Variants in CCDC171 observed in about 807,000 individuals in gnomAD.
CCDC171 encodes coiled-coil domain-containing protein 171.
In CCDC171, 177 loss-of-function variants were observed where a neutral mutation model predicts 168.2. The observed-to-expected ratio is 1.05, with a 90% CI of 0.93 to 1.19. The LOEUF (loss-of-function observed/expected upper bound fraction) is 1.19, where lower values mean the gene tolerates loss of function less well. Among genes scored for constraint, CCDC171 ranks in the 50% most tolerant of loss-of-function variants. The pLI, the probability that CCDC171 is intolerant of heterozygous loss-of-function variation, is 0.00. For missense variants in CCDC171, 1,991 were observed against 1,539.0 expected, an observed-to-expected ratio of 1.29 and a Z score of -4.91; for synonymous variants, 687 against 540.8, an observed-to-expected ratio of 1.27 and a Z score of -3.75.
At chr9:15,675,886 T>A (rs1237555981) in intron 9 of CCDC171, among the ~76,000 whole-genome samples, 3 of 152,176 alleles carry the variant, frequency 2.0e-5, no homozygotes, top group Non-Finnish European at 2.9e-5. Flanking sequence ...CTTTGTGGTG[T>A]TCTCTGTATT....
chr9:15,872,785 A>G (rs1360480517), intron 23 of CCDC171, among the ~76,000 whole-genome samples: 1 of 152,054 alleles, frequency 6.6e-6, no homozygotes, highest in African/African-American at 2.4e-5. Context: ...TTTGATGTTG[A>G]TAAATTCTCA....
rs1347545427 is a variant in CCDC171 at position 15,818,854 on chromosome 9, T to C, written c.3268-27848T>C. ...GGAAATACAGAGAACGCCACAAAAA[T>C]ACTCCTCGAGAAGAGCAACTCTGAG... On this transcript the variant is annotated intron_variant, in intron 21 of 25. Transcript: ENST00000380701. Among the ~76,000 whole-genome samples, 7 of 115,986 alleles carry C rather than the reference T, an allele frequency of 6.0e-5. 3 individuals carry two copies. 76.1% of individuals were successfully genotyped at this position (115,986 alleles called of 152,430 possible). A position where few individuals can be genotyped will look rare whatever the true frequency, so the allele number is the denominator to read the frequency against.
intron 24 of CCDC171, among the ~76,000 whole-genome samples, chr9:15,914,941 C>G (rs972358391): frequency 6.6e-6 from 1 of 152,108 alleles, no homozygotes; most frequent in African/African-American, 2.4e-5. Context: ...AGGTGATGCC[C>G]CACTCTGCTT....
chr9:15,599,185 G>A (rs1587294523), intron 6 of CCDC171, among the ~76,000 whole-genome samples: 1 of 152,130 alleles, frequency 6.6e-6, no homozygotes, highest in African/African-American at 2.4e-5. Flanking sequence ...ATTTGATCCT[G>A]TCATTATAAT....
At chr9:15,760,182 A>T (rs950444559) in intron 18 of CCDC171, among the ~76,000 whole-genome samples, 1 of 152,194 alleles carries the variant, frequency 6.6e-6, no homozygotes, top group African/African-American at 2.4e-5. Flanking sequence ...GGGATTACAA[A>T]TTAATAGCAT....
the CCDC171 span, among the ~76,000 whole-genome samples, chr9:16,087,024 A>C: frequency 2.6e-5 from 4 of 152,254 alleles, no homozygotes; most frequent in East Asian, 1.9e-4. Context: ...TTCAGTTTCC[A>C]TGTAGTTGTG....
intron 6 of CCDC171, among the ~76,000 whole-genome samples, chr9:15,608,024 C>G (rs1207323168): frequency 1.3e-5 from 2 of 152,172 alleles, no homozygotes; most frequent in Non-Finnish European, 2.9e-5. Flanking sequence ...GATGGGAACT[C>G]TGCAGAGGTC....
chr9:16,080,614 G>A, the CCDC171 span, among the ~76,000 whole-genome samples: 24 of 152,180 alleles, frequency 1.6e-4, no homozygotes, highest in South Asian at 2.1e-4. Flanking sequence ...CTCATCTTTC[G>A]TGAGATCTTG....
chr9:16,086,169 G>A, the CCDC171 span, among the ~76,000 whole-genome samples: 83 of 152,100 alleles, frequency 5.5e-4, no homozygotes, highest in African/African-American at 1.9e-3. Context: ...CTTCTTCCTG[G>A]TTTAGTCTTG....
Position 15,933,551 on chromosome 9 carries a change from C to G in CCDC171, c.3753+13129C>G, listed in dbSNP as rs143064563. On this transcript the variant is annotated intron_variant, in intron 25 of 25. Transcript: ENST00000380701. ...CTACCAATTCTGGGCTTAGTTTGTT[C>G]TTATTTTTCTAGTTCCTGGAGGTGT... Among the ~76,000 whole-genome samples, 259 of 151,826 alleles carry G rather than the reference C, an allele frequency of 1.7e-3. 2 individuals are homozygous for G. The highest frequency in any genetic ancestry group is 5.8e-3 in the African/African-American group (241 of 41,460).
intron 12 of CCDC171, 135 bp from the exon 13 acceptor site, chr9:15,723,546 C>T (rs960987691): frequency 4.7e-6 from 3 of 632,138 alleles, no homozygotes; most frequent in Non-Finnish European, 2.8e-6. Context: ...CTCTTAATTA[C>T]TATTGAAAAA....
At chr9:15,828,470 A>G (rs559649483) in intron 21 of CCDC171, among the ~76,000 whole-genome samples, 2 of 152,288 alleles carry the variant, frequency 1.3e-5, no homozygotes, top group South Asian at 4.1e-4. Flanking sequence ...AATTTTGCTT[A>G]TTGTATATTT....
intron 18 of CCDC171, among the ~76,000 whole-genome samples, chr9:15,764,751 T>A (rs1045540725): frequency 3.3e-5 from 5 of 152,216 alleles, no homozygotes; most frequent in Admixed American, 1.3e-4. Flanking sequence ...TTATTTAAAG[T>A]CATGCTATTG....
intron 25 of CCDC171, among the ~76,000 whole-genome samples, chr9:15,949,713 GA>G (rs2074160768): frequency 6.6e-6 from 1 of 151,838 alleles, no homozygotes; most frequent in South Asian, 2.1e-4. Context: ...GGGCTGAGAC[GA>G]TGGGGTTTTC....
At chr9:16,003,510 C>G (rs1313040345) in intron 3 of CCDC171, among the ~76,000 whole-genome samples, 3 of 152,174 alleles carry the variant, frequency 2.0e-5, no homozygotes, top group Non-Finnish European at 4.4e-5. Context: ...CTGGGCTCAA[C>G]TGCATGTCTT....
chr9:15,614,529 A>G (rs1198000203), intron 6 of CCDC171, among the ~76,000 whole-genome samples: 4 of 152,342 alleles, frequency 2.6e-5, no homozygotes, highest in East Asian at 3.9e-4. Context: ...AATTAGATTC[A>G]GATAATTTTT....
chr9:15,626,613 C>CACT (rs946257659), intron 7 of CCDC171, among the ~76,000 whole-genome samples: 1 of 152,108 alleles, frequency 6.6e-6, no homozygotes, highest in Admixed American at 6.5e-5. Context: ...TGATGGATTA[C>CACT]GTTTATTGAT....
intron 20 of CCDC171, among the ~76,000 whole-genome samples, chr9:15,783,677 A>G (rs1003698494): frequency 1.3e-5 from 2 of 152,138 alleles, no homozygotes; most frequent in Non-Finnish European, 2.9e-5. Context: ...TGAACAGGAG[A>G]TAATACAAGC....
chr9:15,595,294 C>A (rs542080403), intron 6 of CCDC171, among the ~76,000 whole-genome samples: 4 of 152,092 alleles, frequency 2.6e-5, no homozygotes, highest in African/African-American at 9.7e-5. Context: ...GCTATCCCTC[C>A]CCGCTCCCCT....
Sources: allele counts gnomAD v4.1 joint callset (sites outside exome capture counted in the v4.1 genomes callset), GRCh38; gene constraint gnomAD v4.1.1; transcripts MANE v1.5; gene names NCBI Gene and HGNC (gene_info 2026-07-23, HGNC 2026-07-21).